The following TMEM232 variants were observed in gnomAD, a reference collection of about 807,000 sequenced individuals.
TMEM232 encodes transmembrane protein 232.
In TMEM232, 80 loss-of-function variants were observed where a neutral mutation model predicts 78.8. The ratio of observed to expected loss-of-function variants is 1.01; its 90% CI spans 0.85 to 1.22. The LOEUF is 1.22. Among genes scored for constraint, TMEM232 ranks in the 50% most tolerant of loss-of-function variants. TMEM232 has a pLI of 0.00. For synonymous variants in TMEM232, 297 were observed against 254.3 expected (o/e 1.17, Z -1.60); for missense variants, 881 against 742.2 (o/e 1.19, Z -2.17).
At chr5:110,673,810 C>T (rs147306653) in intron 1 of TMEM232, among the ~76,000 whole-genome samples, 8 of 152,192 alleles carry the variant, frequency 5.3e-5, no homozygotes, top group African/African-American at 1.7e-4. Flanking sequence ...CAAAGTGAAA[C>T]GGTATGGCCA....
At chr5:110,548,919 T>C (rs1410424931) in intron 11 of TMEM232, among the ~76,000 whole-genome samples, 4 of 151,992 alleles carry the variant, frequency 2.6e-5, no homozygotes, top group Admixed American at 2.0e-4. Flanking sequence ...AGTGTAGTGA[T>C]TGATCATAAT....
At chr5:110,507,518 A>G (rs1185225596) in intron 12 of TMEM232, among the ~76,000 whole-genome samples, 1 of 152,208 alleles carries the variant, frequency 6.6e-6, no homozygotes, top group Non-Finnish European at 1.5e-5. Flanking sequence ...CTCAGAAGCA[A>G]ATATGCAGAA....
chr5:110,556,058 T>C (rs1775039575), intron 11 of TMEM232, among the ~76,000 whole-genome samples: 2 of 152,168 alleles, frequency 1.3e-5, no homozygotes, highest in African/African-American at 2.4e-5. Flanking sequence ...GTCTTGATAG[T>C]GTTGTTGCTT....
intron 12 of TMEM232, among the ~76,000 whole-genome samples, chr5:110,434,471 TAAAC>T (rs1758197999): frequency 6.6e-6 from 1 of 151,580 alleles, no homozygotes; most frequent in South Asian, 2.1e-4. Context: ...ATAATAATAA[TAAAC>T]CTACCAACCA....
chr5:110,519,562 G>T (rs1037736180), intron 12 of TMEM232, among the ~76,000 whole-genome samples: 3 of 152,020 alleles, frequency 2.0e-5, no homozygotes, highest in Non-Finnish European at 4.4e-5. Context: ...GAACAGTATG[G>T]AGGTTCCTCA....
chr5:110,702,687 C>G (rs1795550111), intron 1 of TMEM232, among the ~76,000 whole-genome samples: 1 of 151,988 alleles, frequency 6.6e-6, no homozygotes, highest in Non-Finnish European at 1.5e-5. Context: ...CCGGAAAATG[C>G]TGATGTTATC....
In TMEM232 at chr5:110,528,763, C is replaced by T; in HGVS notation, c.1528G>A (p.Val510Ile). 1 of 1,533,608 alleles carries T rather than the reference C, an allele frequency of 6.5e-7. No individual in the cohort carries two copies. The highest frequency in any genetic ancestry group is 8.7e-7 in the Non-Finnish European group (1 of 1,145,730). ...TNISSNVGEE[V>I]FSKYIGWRIA... The stretch of plus-strand genomic sequence containing the variant: ...CTCCACCCAATATATTTGGAGAAAA[C>T]TTCTTCTCCTACATTTGATGAAATA... Residue 510 changes from valine (V) to isoleucine (I), a missense_variant, in exon 12 of 14, where the codon GTT becomes ATT. By Grantham distance (29) the Val-to-Ile change is conservative. Transcript: ENST00000455884.
intron 10 of TMEM232, among the ~76,000 whole-genome samples, chr5:110,574,341 C>G (rs1048912645): frequency 6.6e-6 from 1 of 151,992 alleles, no homozygotes; most frequent in African/African-American, 2.4e-5. Flanking sequence ...AATCTAGAAG[C>G]AAAGTGATGA....
At chr5:110,705,757 T>TGTGTGC (rs1301138839) in intron 1 of TMEM232, among the ~76,000 whole-genome samples, 1 of 140,400 alleles carries the variant, frequency 7.1e-6, no homozygotes, top group Non-Finnish European at 1.5e-5. Flanking sequence ...TGTGTGTATG[T>TGTGTGC]GTGTGCGTGT....
At chr5:110,692,546 C>T (rs144066825) in intron 1 of TMEM232, among the ~76,000 whole-genome samples, 4,439 of 152,288 alleles carry the variant, frequency 0.029, 205 homozygotes, top group African/African-American at 0.1. Flanking sequence ...AATTCCCTTT[C>T]CTAGGCAAAG....
intron 1 of TMEM232, among the ~76,000 whole-genome samples, chr5:110,702,749 G>A (rs1795556525): frequency 6.6e-6 from 1 of 152,052 alleles, no homozygotes; most frequent in Non-Finnish European, 1.5e-5. Context: ...ATAACGGGCA[G>A]GCTATGCCAT....
intron 8 of TMEM232, among the ~76,000 whole-genome samples, chr5:110,610,286 G>GAGGAAGGGAGGAAGGAAGGA (rs1782092438): frequency 1.3e-5 from 2 of 150,290 alleles, no homozygotes; most frequent in African/African-American, 5.0e-5. Context: ...TGGGTGAAGG[G>GAGGAAGGGAGGAAGGAAGGA]AGGGAGAAAA....
intron 1 of TMEM232, among the ~76,000 whole-genome samples, chr5:110,705,712 ATAT>A (rs1310224857): frequency 1.6e-4 from 11 of 69,076 alleles, no homozygotes; most frequent in African/African-American, 5.7e-4. Flanking sequence ...GTGTGTGTAT[ATAT>A]ATATATATAC....
intron 2 of TMEM232, among the ~76,000 whole-genome samples, chr5:110,655,890 A>C (rs1180127871): frequency 8.4e-6 from 1 of 118,930 alleles, no homozygotes; most frequent in East Asian, 2.7e-4. Context: ...GGAACATCAC[A>C]CTCTGGGGAC....
At chr5:110,437,928 A>G (rs1758612145) in intron 12 of TMEM232, among the ~76,000 whole-genome samples, 1 of 152,098 alleles carries the variant, frequency 6.6e-6, no homozygotes, top group African/African-American at 2.4e-5. Context: ...TACTCAAACT[A>G]TCCCAAAGAA....
At chr5:110,539,688 G>A (rs1294082413) in intron 11 of TMEM232, among the ~76,000 whole-genome samples, 1 of 152,186 alleles carries the variant, frequency 6.6e-6, no homozygotes, top group Non-Finnish European at 1.5e-5. Context: ...GAGAATGGGA[G>A]TATATTCCAG....
At chr5:110,405,081 C>A (rs1755735408) in intron 2 of TMEM232, among the ~76,000 whole-genome samples, 1 of 151,892 alleles carries the variant, frequency 6.6e-6, no homozygotes, top group Admixed American at 6.6e-5. Flanking sequence ...AAGCCCTGAC[C>A]AAATTGAATC....
chr5:110,562,614 CTT>C (rs1008456659), intron 11 of TMEM232, among the ~76,000 whole-genome samples: 8 of 151,928 alleles, frequency 5.3e-5, no homozygotes, highest in Admixed American at 4.6e-4. Flanking sequence ...TTGTATTAGT[CTT>C]TGTCTATTTC....
At chr5:110,430,763 G>A (rs1303946866) in intron 12 of TMEM232, among the ~76,000 whole-genome samples, 1 of 151,576 alleles carries the variant, frequency 6.6e-6, no homozygotes, top group African/African-American at 2.4e-5. Context: ...TAGGATTTCT[G>A]TTTGTCACTA....
Sources: gnomAD v4.1 joint callset for allele counts (sites outside exome capture counted in the v4.1 genomes callset) on GRCh38, gnomAD v4.1.1 for gene constraint, MANE v1.5 for transcripts, NCBI Gene and HGNC (gene_info 2026-07-23, HGNC 2026-07-21) for gene names.